Variants in DCAF17 observed in about 807,000 individuals in gnomAD.
The protein encoded by DCAF17 is DDB1 and CUL4 associated factor 17, also known as DDB1- and CUL4-associated factor 17.
Under a neutral mutation model 66.0 loss-of-function variants are expected in DCAF17, and 48 were observed. That is an observed-to-expected ratio of 0.73 (90% CI 0.58 to 0.92). The LOEUF is 0.92. Ranked by LOEUF, DCAF17 falls within the 40% of genes least tolerant of loss-of-function variation. The probability of loss-of-function intolerance (pLI) is 0.00; values close to 1 mark genes in which losing one functional copy is unlikely to be tolerated. For missense variants in DCAF17, 562 were observed against 622.8 expected, an observed-to-expected ratio of 0.90 and a Z score of 1.04; for synonymous variants, 206 against 214.6, an observed-to-expected ratio of 0.96 and a Z score of 0.35.
At chr2:171,440,151 T>C (rs1694223542) in intron 2 of DCAF17, among the ~76,000 whole-genome samples, 1 of 152,226 alleles carries the variant, frequency 6.6e-6, no homozygotes, top group Non-Finnish European at 1.5e-5. Flanking sequence ...TTTTAATTTC[T>C]GGTCTGCTAA....
rs1030191523 is a variant in DCAF17, at chr2:171,474,168, T to C, written c.1091+193T>C. Reference sequence around the variant, plus strand: ...GACTCAACATTACTGTTTGTAAATATTAAATTTGAAAACGTTATTTGATGG... The same window carrying C: ...GACTCAACATTACTGTTTGTAAATACTAAATTTGAAAACGTTATTTGATGG... On this transcript the variant is annotated intron_variant, in intron 10 of 13. Transcript: ENST00000375255. 40 of 599,096 alleles carry C rather than the reference T, an allele frequency of 6.7e-5. 2 individuals are homozygous for C. In the Admixed American group the frequency reaches 7.7e-4, roughly 12 times the overall value. 37.1% of individuals were successfully genotyped at this position (599,096 alleles called of 1,614,324 possible).
At chr2:171,471,189 G>C (rs1696224983) in intron 9 of DCAF17, among the ~76,000 whole-genome samples, 2 of 152,230 alleles carry the variant, frequency 1.3e-5, no homozygotes, top group Middle Eastern at 3.4e-3. Flanking sequence ...GAAGTTTTTA[G>C]TCCTTTTATC....
intron 9 of DCAF17, among the ~76,000 whole-genome samples, chr2:171,469,239 C>G (rs1696096431): frequency 6.6e-6 from 1 of 152,134 alleles, no homozygotes; most frequent in South Asian, 2.1e-4. Context: ...TTTGAAAATT[C>G]TTATAGCAAC....
At position 171,484,911 on chromosome 2, in the gene DCAF17, A is replaced by AT. The variant is rs1559300798; in HGVS notation, c.*3799dup. ...ATTCATGTTGTTGCATGTGTCAGTG[A>AT]TTCATTTCTTTTTATTGCTGAGTAT... On this transcript the variant is annotated 3_prime_UTR_variant, in exon 14 of 14. Transcript: ENST00000375255. 2.2e-6 allele frequency: 1 copy of AT among 453,856 alleles called. No individual in the cohort carries two copies. Among genetic ancestry groups the AT allele is most frequent in the African/African-American group, 2.0e-5 (1 of 50,070 alleles). 28.1% of individuals were successfully genotyped at this position (453,856 alleles called of 1,614,324 possible).
chr2:171,463,540 A>G (rs986636976), intron 8 of DCAF17, among the ~76,000 whole-genome samples: 1 of 152,202 alleles, frequency 6.6e-6, no homozygotes, highest in Non-Finnish European at 1.5e-5. Context: ...TAGTGCTTGT[A>G]TTACCTATGT....
At chr2:171,468,280 T>C (rs567354606) in intron 8 of DCAF17, among the ~76,000 whole-genome samples, 1 of 152,280 alleles carries the variant, frequency 6.6e-6, no homozygotes, top group South Asian at 2.1e-4. Flanking sequence ...TTAACTTGTC[T>C]GATGATAATA....
intron 9 of DCAF17, 79 bp from the exon 10 acceptor site, chr2:171,473,787 A>T: frequency 5.3e-6 from 6 of 1,134,192 alleles, no homozygotes; most frequent in Non-Finnish European, 7.9e-6. Flanking sequence ...TGACCTACTG[A>T]TCTATCACTT....
rs758537916 is a variant in DCAF17, at chr2:171,482,614, C to T, written c.*1500C>T. The stretch of plus-strand genomic sequence containing the variant: ...GTGTAAAAGTAGAGTGTTCATTCTC[C>T]ATTTCCAAGAGTGTTTCAGAATAGG... On this transcript the variant is annotated 3_prime_UTR_variant, in exon 14 of 14. Transcript: ENST00000375255. 2.2e-6 allele frequency: 1 copy of T among 454,020 alleles called. No individual in the cohort carries two copies. The highest frequency in any genetic ancestry group is 1.6e-5 in the South Asian group (1 of 64,478). 28.1% of individuals were successfully genotyped at this position (454,020 alleles called of 1,614,324 possible).
At chr2:171,465,408 C>G (rs189116896) in intron 8 of DCAF17, among the ~76,000 whole-genome samples, 41 of 152,140 alleles carry the variant, frequency 2.7e-4, no homozygotes, top group Admixed American at 2.4e-3. Flanking sequence ...TGCTGTTTTC[C>G]TTTTGAGTTT....
intron 5 of DCAF17, 177 bp downstream of exon 5, chr2:171,450,134 G>C: frequency 1.8e-6 from 1 of 561,476 alleles, no homozygotes; most frequent in Non-Finnish European, 3.2e-6. Context: ...ACTAAGAAAT[G>C]GAAAACCAGA....
At position 171,478,050 on chromosome 2, in the gene DCAF17, G is replaced by C. The variant is rs1211965571; in HGVS notation, c.1246G>C (p.Asp416His). The change falls in exon 12 of 14, where the codon GAT becomes CAT. Residue 416 changes from aspartate (D) to histidine (H), a missense_variant. This residue lies in a region of DCAF17 where 201 missense variants were observed against 231.1 expected (regional missense o/e 0.87). Coordinates refer to ENST00000375255, the MANE Select transcript of DCAF17 (RefSeq NM_025000.4). ...GGTAAAAAAAAGTTTTAACCTTCTG[G>C]ATGATGACCCAGAACAAGAGGTATT... is the stretch of plus-strand genomic sequence containing the variant. Reference protein sequence around the residue: ...RVVKKSFNLLDDDPEQETFKI... With the variant: ...RVVKKSFNLLHDDPEQETFKI... 8.1e-6 allele frequency: 13 copies of C among 1,613,732 alleles called. No individual in the cohort carries two copies. The highest frequency in any genetic ancestry group is 1.3e-5 in the African/African-American group (1 of 74,888).
In DCAF17 at chr2:171,473,868, A is replaced by G. The variant is rs768565338; in HGVS notation, c.984A>G (p.Ala328=). Residue 328 remains alanine, a splice_region_variant and synonymous_variant, in exon 10 of 14, where the codon GCA becomes GCG. Transcript: ENST00000375255. ...HICALKDNSL[A]KNGIQEMDCC... ...TTAATACTTTTTTCCAACTTCAGGC[A>G]AAAAATGGGATCCAAGAAATGGATT... The G allele has an allele frequency of 1.2e-6, 2 of 1,612,782 alleles. No homozygotes were observed.
rs1440949713 is a variant in DCAF17 at position 171,482,454 on chromosome 2, C to A, written c.*1340C>A. On this transcript the variant is annotated 3_prime_UTR_variant, in exon 14 of 14. Transcript: ENST00000375255. ...GGTGCTAGACATTGCCCCATACTTT[C>A]AATTAGACACTAGCTGTATCTAAAT... The A allele has an allele frequency of 8.8e-6, 4 of 453,718 alleles. No individual in the cohort carries two copies. The highest frequency in any genetic ancestry group is 8.0e-5 in the African/African-American group (4 of 49,908). 28.1% of individuals were successfully genotyped at this position (453,718 alleles called of 1,614,324 possible).
At chr2:171,467,727 CAA>C (rs34238683) in intron 8 of DCAF17, among the ~76,000 whole-genome samples, 1,527 of 68,712 alleles carry the variant, frequency 0.022, 50 homozygotes, top group African/African-American at 0.071. Flanking sequence ...GAGACTGTCT[CAA>C]AAAAAAAAAA....
chr2:171,484,858 T>G lies in DCAF17; in HGVS notation c.*3744T>G. On this transcript the variant is annotated 3_prime_UTR_variant, in exon 14 of 14. Transcript: ENST00000375255. ...AAATTATACAAAATGTAATGCTTCT[T>G]TCACTTAGCATAATGTTTTTGAGAT... 1 of 454,016 alleles carries G rather than the reference T, an allele frequency of 2.2e-6. No individual in the cohort carries two copies. The allele number at this position is 454,016 out of a possible 1,614,324, so 28.1% of individuals were successfully genotyped here. A position where few individuals can be genotyped will look rare whatever the true frequency, so the allele number is the denominator to read the frequency against.
intron 13 of DCAF17, among the ~76,000 whole-genome samples, 161 bp from the exon 14 acceptor site, chr2:171,480,813 C>A (rs1023557986): frequency 6.6e-6 from 1 of 152,118 alleles, no homozygotes; most frequent in African/African-American, 2.4e-5. Flanking sequence ...TGTTAATAAT[C>A]TGCATATCCA....
At chr2:171,434,797 C>A (rs1693729966) in intron 1 of DCAF17, 94 bp downstream of exon 1, 2 of 1,391,074 alleles carry the variant, frequency 1.4e-6, no homozygotes, top group Admixed American at 7.1e-5. Flanking sequence ...CTGGGGCCTC[C>A]CTTTATAGGG....
intron 2 of DCAF17, among the ~76,000 whole-genome samples, chr2:171,436,151 A>G (rs1485564310): frequency 6.6e-6 from 1 of 152,264 alleles, no homozygotes; most frequent in Non-Finnish European, 1.5e-5. Flanking sequence ...TGTCACATGC[A>G]TCAGAATTCC....
intron 3 of DCAF17, among the ~76,000 whole-genome samples, chr2:171,448,420 A>G (rs1443837341): frequency 1.4e-5 from 2 of 144,762 alleles, no homozygotes; most frequent in Non-Finnish European, 3.1e-5. Context: ...TGAATACTTA[A>G]TAAAATAATT....
Sources: gnomAD v4.1 joint callset for allele counts (sites outside exome capture counted in the v4.1 genomes callset) on GRCh38, gnomAD v4.1.1 for gene constraint, gnomAD v4.1.1 regional missense constraint, MANE v1.5 for transcripts, NCBI Gene and HGNC (gene_info 2026-07-23, HGNC 2026-07-21) for gene names.